UBR4: variants seen among roughly 807,000 people sequenced by gnomAD.
The protein encoded by UBR4 is E3 ubiquitin-protein ligase UBR4.
UBR4 carries 124 observed loss-of-function variants against 575.6 expected under a neutral mutation model. The observed-to-expected ratio is 0.22, with a 90% CI of 0.19 to 0.25. The LOEUF (loss-of-function observed/expected upper bound fraction) is 0.25, where lower values mean the gene tolerates loss of function less well. Among genes scored for constraint, UBR4 ranks in the 10% least tolerant of loss-of-function variants. UBR4 has a pLI of 1.00. For synonymous variants in UBR4, 2,455 were observed against 2,473.7 expected, an observed-to-expected ratio of 0.99 and a Z score of 0.22; for missense variants, 4,818 against 6,478.8, an observed-to-expected ratio of 0.74 and a Z score of 8.80.
chr1:19,173,418 T>G (rs779633225), intron 23 of UBR4, 21 bp downstream of exon 23: 1 of 1,613,906 alleles, frequency 6.2e-7, no homozygotes, highest in Non-Finnish European at 8.5e-7. Context: ...TGAATAGTCT[T>G]AGCAGCAAGC....
At chr1:19,199,398 C>A (rs2092636074) in intron 3 of UBR4, among the ~76,000 whole-genome samples, 1 of 152,156 alleles carries the variant, frequency 6.6e-6, no homozygotes, top group South Asian at 2.1e-4. Context: ...AACTACAGCT[C>A]CAATTCAAAC....
Position 19,172,946 on chromosome 1 carries a change from C to T in UBR4, c.3439G>A (p.Asp1147Asn). The T allele has an allele frequency of 6.2e-7, 1 of 1,614,152 alleles. No homozygotes were observed. The highest frequency in any genetic ancestry group is 1.7e-5 in the Admixed American group (1 of 60,020). Reference protein sequence around the residue: ...EHFSKMAAETDPHKSSEITKN... With the variant: ...EHFSKMAAETNPHKSSEITKN... The stretch of plus-strand genomic sequence containing the variant: ...GTAATCTCAGACGACTTATGAGGAT[C>T]AGTCTCAGCAGCCATCTTAGAAAAA... Residue 1147 changes from aspartate to asparagine, a missense_variant, in exon 25 of 106, where the codon GAT becomes AAT. Physicochemically the swap from Asp to Asn is conservative, Grantham distance 23. Transcript: ENST00000375254.
chr1:19,165,448 C>T, intron 30 of UBR4, 99 bp from the exon 31 acceptor site: 1 of 1,171,678 alleles, frequency 8.5e-7, no homozygotes, highest in South Asian at 1.4e-5. Context: ...GGGAAAATGA[C>T]CACTTATGAG....
Position 19,152,469 on chromosome 1 carries a change from G to A in UBR4, c.6840C>T (p.Arg2280=), listed in dbSNP as rs1294011524. The A allele has an allele frequency of 6.2e-7, 1 of 1,613,850 alleles. No individual in the cohort carries two copies. The highest frequency in any genetic ancestry group is 1.7e-5 in the Admixed American group (1 of 60,016). Residue 2280 remains arginine (R), a synonymous_variant, in exon 47 of 106, where the codon CGC becomes CGT. Transcript: ENST00000375254. The surrounding 1 kb of genome is among the most constrained non-coding windows in gnomAD (Gnocchi z 4.4). ...RKRKTATITT[R]TSSQVTFPID... ...TGGGGAAAGTCACCTGGCTAGACGT[G>A]CGGGTTGCTGCAGAGAACGGTACCA...
chr1:19,141,062 G>A (rs1418441219), intron 57 of UBR4, among the ~76,000 whole-genome samples, 170 bp from the exon 58 acceptor site: 1 of 152,232 alleles, frequency 6.6e-6, no homozygotes, highest in South Asian at 2.1e-4. Flanking sequence ...TTCAGTTACA[G>A]AGATGGTGGA....
intron 60 of UBR4, among the ~76,000 whole-genome samples, chr1:19,136,949 C>G (rs1295434481): frequency 6.6e-6 from 1 of 152,060 alleles, no homozygotes; most frequent in Non-Finnish European, 1.5e-5. Context: ...CTTTAAATGT[C>G]TCTGATGCCT....
At chr1:19,094,834 C>G (rs1333276496) in intron 94 of UBR4, 72 bp downstream of exon 94, 1 of 1,573,082 alleles carries the variant, frequency 6.4e-7, no homozygotes, top group Non-Finnish European at 8.6e-7. Context: ...CAGACACAAA[C>G]AGGCCTGTTG....
rs921629550 is a variant in UBR4 at position 19,199,689 on chromosome 1, G to T, written c.340C>A (p.Arg114Ser). The T allele has an allele frequency of 8.7e-6, 14 of 1,614,114 alleles. No individual in the cohort carries two copies. Among genetic ancestry groups the T allele is most frequent in the Non-Finnish European group, 1.1e-5 (13 of 1,180,014 alleles). ...CKVLIEFSLL[R>S]LENPDEACAV... is the part of the protein sequence containing the mutation. ...CAAGCCTCATCTGGATTCTCCAGAC[G>T]CAGGAGAGAAAACTCAATTAGAACT... Residue 114 changes from arginine (R) to serine (S), a missense_variant, in exon 3 of 106, where the codon CGT becomes AGT. By Grantham distance (110) the Arg-to-Ser change is moderately radical. Transcript: ENST00000375254.
chr1:19,129,975 T>A (rs773366590), intron 60 of UBR4, among the ~76,000 whole-genome samples: 9 of 152,196 alleles, frequency 5.9e-5, no homozygotes, highest in Non-Finnish European at 1.0e-4. Flanking sequence ...GTGTTACATA[T>A]CTTAGCAGGT....
rs1441717864 is a variant in UBR4, at chr1:19,153,158, T to C, written c.6832+143A>G. On this transcript the variant is annotated intron_variant, in intron 46 of 105. Transcript: ENST00000375254. The surrounding 1 kb of genome is among the most constrained non-coding windows in gnomAD (Gnocchi z 4.1). Reference sequence around the variant, plus strand: ...TGCTTGACATTTGGAAACATAACTCTGCTTTTGGGAAATTAACTTTACAAA... The same window carrying C: ...TGCTTGACATTTGGAAACATAACTCCGCTTTTGGGAAATTAACTTTACAAA... 7.7e-6 allele frequency: 8 copies of C among 1,033,170 alleles called. No individual in the cohort carries two copies. The highest frequency in any genetic ancestry group is 2.1e-4 in the Middle Eastern group (1 of 4,652). 64.0% of individuals were successfully genotyped at this position (1,033,170 alleles called of 1,614,324 possible). A position where few individuals can be genotyped will look rare whatever the true frequency, so the allele number is the denominator to read the frequency against.
At chr1:19,083,597 T>A (rs938987702) in intron 102 of UBR4, among the ~76,000 whole-genome samples, 12 of 152,324 alleles carry the variant, frequency 7.9e-5, no homozygotes, top group African/African-American at 2.6e-4. Flanking sequence ...TGCAGTGGTG[T>A]GATCACGACT....
Position 19,179,198 on chromosome 1 carries a change from C to A in UBR4, c.2207G>T (p.Gly736Val). The change falls in exon 18 of 106, where the codon GGA becomes GTA. Residue 736 changes from glycine to valine, a missense_variant. Transcript: ENST00000375254. ...NLQNTLLQQL[G>V]VAPFSEGPWP... ...AGGGCCCTCAGAAAAAGGAGCCACT[C>A]CTAGCTGCTGCAACAGTGTGTTCTG... 6.3e-7 allele frequency: 1 copy of A among 1,583,180 alleles called. No homozygotes were observed. Among genetic ancestry groups the A allele is most frequent in the African/African-American group, 1.4e-5 (1 of 72,704 alleles).
chr1:19,089,577 C>T lies in UBR4; in HGVS notation c.14212-600G>A, dbSNP rs946392873. On this transcript the variant is annotated intron_variant, in intron 97 of 105. Transcript: ENST00000375254. This position sits in a 1 kb window ranked among gnomAD's most constrained non-coding sequence, Gnocchi z 4.3. ...TGCCTGAAAAAGCTGGAAGTCACTACGTATAGCGCTATGTGATAAACGGGG... is the reference window on the plus strand; with the variant it reads ...TGCCTGAAAAAGCTGGAAGTCACTATGTATAGCGCTATGTGATAAACGGGG... 6.6e-6 allele frequency among the ~76,000 whole-genome samples: 1 copy of T among 152,176 alleles called. No individual in the cohort carries two copies. The highest frequency in any genetic ancestry group is 1.5e-5 in the Non-Finnish European group (1 of 68,018).
chr1:19,081,242 C>T (rs368249794), intron 103 of UBR4, 107 bp downstream of exon 103: 9 of 965,190 alleles, frequency 9.3e-6, no homozygotes, highest in East Asian at 2.4e-5. Context: ...TGTCAACCAC[C>T]GCAGTCACAA....
intron 73 of UBR4, among the ~76,000 whole-genome samples, chr1:19,116,511 G>A (rs137901604): frequency 6.6e-6 from 1 of 152,178 alleles, no homozygotes; most frequent in Non-Finnish European, 1.5e-5. Flanking sequence ...GCCTTATTCT[G>A]CCTCTTGGAA....
intron 49 of UBR4, 75 bp downstream of exon 49, chr1:19,150,502 C>T: frequency 6.6e-7 from 1 of 1,507,362 alleles, no homozygotes; most frequent in Non-Finnish European, 9.2e-7. Context: ...GAAGCTGGCT[C>T]TCTCAAGACA....
intron 1 of UBR4, 127 bp downstream of exon 1, chr1:19,209,946 C>G (rs1369472172): frequency 5.2e-6 from 7 of 1,340,560 alleles, no homozygotes; most frequent in Non-Finnish European, 6.7e-6. Context: ...CCCGGGACCC[C>G]GAAGCCGTGG....
chr1:19,106,504 A>C, intron 83 of UBR4, 65 bp downstream of exon 83: 1 of 1,491,496 alleles, frequency 6.7e-7, no homozygotes, highest in Non-Finnish European at 8.9e-7. Flanking sequence ...GAGGGGCAGA[A>C]ACATATTGCT....
At chr1:19,156,629 A>T (rs1384704530) in intron 41 of UBR4, 138 bp downstream of exon 41, 2 of 1,377,766 alleles carry the variant, frequency 1.5e-6, no homozygotes, top group African/African-American at 2.9e-5. Flanking sequence ...AAATTCAAAG[A>T]AAAATTCCTT....
Sources: gnomAD v4.1 joint callset for allele counts (sites outside exome capture counted in the v4.1 genomes callset) on GRCh38, gnomAD v4.1.1 for gene constraint, Gnocchi (gnomAD v3.1) non-coding constraint, MANE v1.5 for transcripts, NCBI Gene and HGNC (gene_info 2026-07-23, HGNC 2026-07-21) for gene names.